Variants in SLIT1 observed in about 807,000 individuals in gnomAD.
SLIT1 encodes the protein slit homolog 1 protein.
SLIT1 carries 66 observed loss-of-function variants against 186.1 expected under a neutral mutation model. That is an observed-to-expected ratio of 0.35 (90% CI 0.29 to 0.44). SLIT1 has a LOEUF of 0.44. Ranked by LOEUF, SLIT1 falls within the 20% of genes least tolerant of loss-of-function variation. The probability of loss-of-function intolerance (pLI) is 1.00; values close to 1 mark genes in which losing one functional copy is unlikely to be tolerated. For missense variants in SLIT1, 1,638 were observed against 2,037.4 expected, an observed-to-expected ratio of 0.80 and a Z score of 3.77; for synonymous variants, 761 against 833.8, an observed-to-expected ratio of 0.91 and a Z score of 1.50.
intron 25 of SLIT1, among the ~76,000 whole-genome samples, chr10:97,024,412 G>T (rs1848527751): frequency 6.6e-6 from 1 of 152,188 alleles, no homozygotes; most frequent in Admixed American, 6.5e-5. Context: ...AACCTAGAGG[G>T]AGAAGACAGA....
intron 4 of SLIT1, among the ~76,000 whole-genome samples, chr10:97,090,566 G>A (rs1226468637): frequency 1.4e-5 from 2 of 142,306 alleles, no homozygotes; most frequent in Admixed American, 7.3e-5. Flanking sequence ...AGGAGAACTG[G>A]TTTCTGGGAG....
chr10:97,085,615 T>C (rs1166858033), intron 4 of SLIT1, among the ~76,000 whole-genome samples: 1 of 152,092 alleles, frequency 6.6e-6, no homozygotes. Context: ...CTGAAACTCC[T>C]GACCCCGTGA....
chr10:97,101,853 G>A lies in SLIT1; in HGVS notation c.414-35767C>T, dbSNP rs536232549. ...AGTAAAACTAAATATCTCTCCCATG[G>A]TCTGATCACTGTTGGGACTGGCCTG... On this transcript the variant is annotated intron_variant, in intron 4 of 36. Coordinates refer to ENST00000266058, the MANE Select transcript of SLIT1 (RefSeq NM_003061.3). 3.3e-5 allele frequency among the ~76,000 whole-genome samples: 5 copies of A among 152,356 alleles called. No homozygotes were observed. The South Asian group carries it at 1.0e-3, about 32-fold the overall frequency.
intron 4 of SLIT1, among the ~76,000 whole-genome samples, chr10:97,093,763 T>C (rs78971957): frequency 6.6e-6 from 1 of 152,208 alleles, no homozygotes; most frequent in Non-Finnish European, 1.5e-5. Flanking sequence ...GAAGTCACCT[T>C]TGAGGAAAGA....
intron 28 of SLIT1, among the ~76,000 whole-genome samples, chr10:97,016,177 T>G (rs1405826708): frequency 6.6e-6 from 1 of 151,970 alleles, no homozygotes; most frequent in African/African-American, 2.4e-5. Context: ...GGTGTGGTGG[T>G]GCATGCCTGT....
intron 29 of SLIT1, 55 bp downstream of exon 29, chr10:97,013,964 C>G: frequency 1.9e-6 from 3 of 1,599,410 alleles, no homozygotes; most frequent in Non-Finnish European, 2.6e-6. Context: ...CATGGGGGCT[C>G]AGGGCTGTCT....
chr10:97,075,462 C>T (rs1231777815), intron 4 of SLIT1, among the ~76,000 whole-genome samples: 9 of 152,280 alleles, frequency 5.9e-5, no homozygotes, highest in East Asian at 1.9e-4. Flanking sequence ...GGCTCAAGGC[C>T]GCCAACCCAC....
intron 4 of SLIT1, among the ~76,000 whole-genome samples, chr10:97,066,321 C>G (rs557691018): frequency 6.6e-6 from 1 of 152,172 alleles, no homozygotes; most frequent in African/African-American, 2.4e-5. Context: ...GAGCTCAGTC[C>G]CCAGCCACCT....
chr10:97,048,557 G>A (rs1489323199), intron 14 of SLIT1, among the ~76,000 whole-genome samples: 1 of 152,100 alleles, frequency 6.6e-6, no homozygotes, highest in Admixed American at 6.5e-5. Context: ...TTCTTCCCTA[G>A]GCCTCAATAA....
intron 4 of SLIT1, among the ~76,000 whole-genome samples, chr10:97,142,771 CA>C (rs1314096438): frequency 6.6e-6 from 1 of 151,812 alleles, no homozygotes; most frequent in East Asian, 1.9e-4. Context: ...AACTTAACAA[CA>C]AAAAAAATCA....
At chr10:97,102,329 G>A (rs2006733) in intron 4 of SLIT1, 57,260 of 150,126 alleles carry the variant, frequency 0.38, 13,338 homozygotes, top group Non-Finnish European at 0.51. Context: ...GCTGAAGCAG[G>A]AGAGTCGCTT....
intron 25 of SLIT1, among the ~76,000 whole-genome samples, chr10:97,023,096 G>A (rs1397181552): frequency 6.6e-6 from 1 of 151,900 alleles, no homozygotes; most frequent in Non-Finnish European, 1.5e-5. Context: ...CTGTGGCCCA[G>A]GCTGCAGTGC....
intron 4 of SLIT1, chr10:97,103,790 C>G (rs896856262): frequency 2.0e-5 from 3 of 152,198 alleles, no homozygotes; most frequent in East Asian, 3.8e-4. Context: ...CATGACAAGG[C>G]GATGTGGTTA....
chr10:97,014,477 A>T (rs1312617776), intron 28 of SLIT1, among the ~76,000 whole-genome samples: 1 of 152,194 alleles, frequency 6.6e-6, no homozygotes, highest in Non-Finnish European at 1.5e-5. Context: ...CAAAGTGATA[A>T]GGGCAGGCTT....
chr10:97,123,989 T>C (rs1849582961), intron 4 of SLIT1, among the ~76,000 whole-genome samples: 1 of 152,030 alleles, frequency 6.6e-6, no homozygotes, highest in South Asian at 2.1e-4. Flanking sequence ...TCAGACAGTG[T>C]TGCCTGAATA....
intron 4 of SLIT1, among the ~76,000 whole-genome samples, chr10:97,120,981 C>A (rs1323576500): frequency 6.6e-6 from 1 of 152,130 alleles, no homozygotes; most frequent in Admixed American, 6.5e-5. Flanking sequence ...CCTTCTCTCT[C>A]CCGGTTCTGT....
At chr10:97,036,722 T>A (rs1204296341) in intron 22 of SLIT1, among the ~76,000 whole-genome samples, 1 of 152,210 alleles carries the variant, frequency 6.6e-6, no homozygotes, top group Non-Finnish European at 1.5e-5. Flanking sequence ...TAAGGTGGAA[T>A]GTTCTCTGGA....
rs976914273 is a variant in SLIT1 at position 97,002,214 on chromosome 10, G to C, written c.4310C>G (p.Thr1437Ser). Residue 1437 changes from threonine (T) to serine (S), a missense_variant, in exon 36 of 37, where the codon ACC becomes AGC. Around this residue, in one of 3 missense-constraint regions of SLIT1, gnomAD observed 220 missense variants for 211.3 expected, o/e 1.04. Coordinates refer to ENST00000266058, the MANE Select transcript of SLIT1 (RefSeq NM_003061.3). ...GTCACACACACAGTGTGCCCCCTTGGTGCCTGAGGCCTGGCAGTGGCCATG... is the reference window on the plus strand; with the variant it reads ...GTCACACACACAGTGTGCCCCCTTGCTGCCTGAGGCCTGGCAGTGGCCATG... Reference protein sequence around the residue: ...CLHGHCQASGTKGAHCVCDPG... With the variant: ...CLHGHCQASGSKGAHCVCDPG... 3.2e-6 allele frequency: 5 copies of C among 1,582,518 alleles called. No homozygotes were observed. The African/African-American group carries it at 5.4e-5, about 17-fold the overall frequency.
chr10:97,064,126 C>T (rs185438162), intron 7 of SLIT1, 42 bp downstream of exon 7: 15 of 1,539,402 alleles, frequency 9.7e-6, no homozygotes, highest in Admixed American at 1.8e-5. Context: ...TGGCATCAAC[C>T]GGGCTTGGCT....
Sources: gnomAD v4.1 joint callset for allele counts (sites outside exome capture counted in the v4.1 genomes callset) on GRCh38, gnomAD v4.1.1 for gene constraint, gnomAD v4.1.1 regional missense constraint, MANE v1.5 for transcripts, NCBI Gene and HGNC (gene_info 2026-07-23, HGNC 2026-07-21) for gene names.